SYNE1: variants seen among roughly 807,000 people sequenced by gnomAD.
The protein encoded by SYNE1 is nesprin-1.
SYNE1 carries 616 observed loss-of-function variants against 1,111.0 expected under a neutral mutation model. The observed-to-expected ratio is 0.55, with a 90% CI of 0.52 to 0.59. The LOEUF (loss-of-function observed/expected upper bound fraction) is 0.59. SYNE1 is among the 20% of genes least tolerant of loss of function. SYNE1 has a pLI of 0.00. For synonymous variants in SYNE1, 3,855 were observed against 3,825.8 expected (o/e 1.01, Z -0.28); for missense variants, 10,006 against 10,417.0 (o/e 0.96, Z 1.72).
intron 100 of SYNE1, among the ~76,000 whole-genome samples, chr6:152,262,413 T>C (rs1286353202): frequency 6.6e-6 from 1 of 152,170 alleles, no homozygotes; most frequent in African/African-American, 2.4e-5. Context: ...TAAAAATGCA[T>C]TGAATAAAAA....
At chr6:152,373,657 T>C (rs2097227940) in intron 58 of SYNE1, among the ~76,000 whole-genome samples, 1 of 135,176 alleles carries the variant, frequency 7.4e-6, no homozygotes, top group Non-Finnish European at 1.6e-5. Context: ...CAGGTTATCC[T>C]TTAATAGTCA....
intron 124 of SYNE1, among the ~76,000 whole-genome samples, chr6:152,209,611 G>T (rs545656354): frequency 3.3e-5 from 5 of 152,030 alleles, no homozygotes; most frequent in Non-Finnish European, 7.4e-5. Flanking sequence ...TTAGCCGGGC[G>T]TGGTGGTGCG....
intron 3 of SYNE1, among the ~76,000 whole-genome samples, chr6:152,605,030 GAGAGAGGGAGGGA>G (rs2099610016): frequency 6.3e-5 from 4 of 63,534 alleles, no homozygotes; most frequent in Non-Finnish European, 8.8e-5. Context: ...GAGAGAGAGA[GAGAGAGGGAGGGA>G]GGGAGGGAGG....
In SYNE1 at chr6:152,331,539, G is replaced by A. The variant is rs768826879; in HGVS notation, c.13146C>T (p.Asn4382=). The change falls in exon 78 of 146, where the codon AAC becomes AAT. Residue 4382 remains asparagine (N), a synonymous_variant. Transcript: ENST00000367255. The part of the protein sequence containing the change: ...KQSPPPDMAQ[N]LLMDHLAICS... The stretch of plus-strand genomic sequence containing the variant: ...AGATGGCCAGGTGATCCATGAGAAG[G>A]TTCTGAGCCATATCTGGAGGAGGGC... 1.1e-5 allele frequency: 18 copies of A among 1,614,030 alleles called. No homozygotes were observed. In the South Asian group the frequency reaches 1.9e-4, roughly 17 times the overall value.
intron 102 of SYNE1, 70 bp downstream of exon 102, chr6:152,256,564 C>T: frequency 6.2e-7 from 1 of 1,601,564 alleles, no homozygotes; most frequent in Non-Finnish European, 8.5e-7. Context: ...TCACAGAGGC[C>T]AGGCAAATCA....
intron 93 of SYNE1, among the ~76,000 whole-genome samples, chr6:152,299,647 T>C (rs17216894): frequency 0.15 from 22,736 of 151,924 alleles, 2,151 homozygotes; most frequent in South Asian, 0.26. Context: ...AAGAGAACAG[T>C]GTAAGTGTAT....
At chr6:152,575,104 G>C (rs1008238773) in intron 3 of SYNE1, among the ~76,000 whole-genome samples, 9 of 152,296 alleles carry the variant, frequency 5.9e-5, no homozygotes, top group Non-Finnish European at 8.8e-5. Flanking sequence ...ACATGATGGT[G>C]GTGGGTACAG....
chr6:152,249,912 A>T (rs182486265), intron 104 of SYNE1, among the ~76,000 whole-genome samples: 2 of 152,314 alleles, frequency 1.3e-5, no homozygotes, highest in Admixed American at 1.3e-4. Flanking sequence ...AAAGGAGACA[A>T]CTATCAGAAC....
At chr6:152,548,355 G>T (rs960436664) in intron 3 of SYNE1, among the ~76,000 whole-genome samples, 1 of 152,164 alleles carries the variant, frequency 6.6e-6, no homozygotes, top group Admixed American at 6.5e-5. Context: ...AACATGCCTT[G>T]CCCCTGGACA....
Position 152,455,478 on chromosome 6 carries a change from T to C in SYNE1, c.2840A>G (p.Gln947Arg). ...ATCCCCCTTTTCCTCCAGGCCCTCCTGAGCAATCCGCAGTACCTTCTCCAA... is the reference window on the plus strand; with the variant it reads ...ATCCCCCTTTTCCTCCAGGCCCTCCCGAGCAATCCGCAGTACCTTCTCCAA... Reference protein sequence around the residue: ...AELEKVLRIAQEGLEEKGDPE... With the variant: ...AELEKVLRIAREGLEEKGDPE... The change falls in exon 24 of 146, where the codon CAG becomes CGG. Residue 947 changes from glutamine (Q) to arginine (R), a missense_variant. Transcript: ENST00000367255. 6.2e-7 allele frequency: 1 copy of C among 1,614,192 alleles called. No individual in the cohort carries two copies. Among genetic ancestry groups the C allele is most frequent in the Non-Finnish European group, 8.5e-7 (1 of 1,180,014 alleles).
At chr6:152,223,752 T>G (rs1236115814) in intron 117 of SYNE1, among the ~76,000 whole-genome samples, 1 of 152,060 alleles carries the variant, frequency 6.6e-6, no homozygotes, top group East Asian at 1.9e-4. Flanking sequence ...GACTAGATAT[T>G]AGCAGGGCAC....
chr6:152,599,675 C>G (rs2099591518), intron 3 of SYNE1, among the ~76,000 whole-genome samples: 1 of 152,204 alleles, frequency 6.6e-6, no homozygotes, highest in African/African-American at 2.4e-5. Flanking sequence ...ATTCTGCTGC[C>G]TTTCTATAGT....
At position 152,376,230 on chromosome 6, in the gene SYNE1, G is replaced by A. The variant is rs557681712; in HGVS notation, c.9324+151C>T. On this transcript the variant is annotated intron_variant, in intron 58 of 145. Transcript: ENST00000367255. ...GGAGCTCAGGCAGTAACGCTCATTG[G>A]CCTGCTGCTCACCTCCTGCTGTGCG... 1.4e-5 allele frequency: 10 copies of A among 728,714 alleles called. No homozygotes were observed. The African/African-American group carries it at 1.8e-4, about 13-fold the overall frequency. The allele number at this position is 728,714 out of a possible 1,614,324, so 45.1% of individuals were successfully genotyped here.
At chr6:152,163,808 G>A (rs2063034442) in intron 131 of SYNE1, among the ~76,000 whole-genome samples, 1 of 152,156 alleles carries the variant, frequency 6.6e-6, no homozygotes, top group African/African-American at 2.4e-5. Context: ...TCCTGTCTAA[G>A]TGTATGGTAG....
chr6:152,239,768 T>C (rs1178564468), intron 107 of SYNE1, 62 bp from the exon 108 acceptor site: 2 of 1,602,408 alleles, frequency 1.2e-6, no homozygotes, highest in Non-Finnish European at 1.7e-6. Context: ...AGAATCAAAA[T>C]TGGTTTAGGG....
intron 104 of SYNE1, among the ~76,000 whole-genome samples, chr6:152,253,508 A>G (rs993699970): frequency 9.2e-5 from 14 of 152,212 alleles, no homozygotes; most frequent in South Asian, 4.1e-4. Context: ...GTCAAGCCGC[A>G]AAGTTATACA....
chr6:152,461,502 G>A (rs753587044), intron 21 of SYNE1, 95 bp downstream of exon 21: 27 of 1,486,378 alleles, frequency 1.8e-5, no homozygotes, highest in Non-Finnish European at 2.5e-5. Context: ...TCGTTAACAA[G>A]TAAACACTTT....
intron 39 of SYNE1, among the ~76,000 whole-genome samples, chr6:152,423,338 A>G (rs1342544233): frequency 1.3e-5 from 2 of 152,248 alleles, no homozygotes; most frequent in Non-Finnish European, 2.9e-5. Context: ...GTGTATATAC[A>G]TTAAATAAAT....
chr6:152,354,649 T>C lies in SYNE1; in HGVS notation c.10926+10A>G. On this transcript the variant is annotated intron_variant, in intron 67 of 145. Transcript: ENST00000367255. Reference sequence around the variant, plus strand: ...CTTTGACAAAGATCAGGAATCTACATGAGTTGTACCTTCATCTGATGTAAT... The same window carrying C: ...CTTTGACAAAGATCAGGAATCTACACGAGTTGTACCTTCATCTGATGTAAT... 1 of 1,612,684 alleles carries C rather than the reference T, an allele frequency of 6.2e-7. No homozygotes were observed. The highest frequency in any genetic ancestry group is 8.5e-7 in the Non-Finnish European group (1 of 1,178,636).
Sources: gnomAD v4.1 joint callset for allele counts (sites outside exome capture counted in the v4.1 genomes callset) on GRCh38, gnomAD v4.1.1 for gene constraint, MANE v1.5 for transcripts, NCBI Gene and HGNC (gene_info 2026-07-23, HGNC 2026-07-21) for gene names.